The following NCOR2 variants were observed in gnomAD, a reference collection of about 807,000 sequenced individuals.
The protein encoded by NCOR2 is nuclear receptor corepressor 2, also known as CTG repeat protein 26.
NCOR2 carries 81 observed loss-of-function variants against 262.9 expected under a neutral mutation model. The ratio of observed to expected loss-of-function variants is 0.31; its 90% CI spans 0.26 to 0.37. The LOEUF (loss-of-function observed/expected upper bound fraction) is 0.37. Among genes scored for constraint, NCOR2 ranks in the 10% least tolerant of loss-of-function variants. The pLI is 1.00. For missense variants in NCOR2, 3,385 were observed against 3,621.4 expected (o/e 0.93, Z 1.68); for synonymous variants, 1,659 against 1,559.3 (o/e 1.06, Z -1.51).
upstream of NCOR2, among the ~76,000 whole-genome samples, chr12:124,495,564 C>A (rs1487431804): frequency 1.3e-5 from 2 of 152,130 alleles, no homozygotes; most frequent in East Asian, 3.9e-4. The surrounding 1 kb of genome is among the most constrained non-coding windows in gnomAD (Gnocchi z 4.4). Context: ...ATTCAAGGTC[C>A]CTCCGAGCCA....
chr12:124,348,484 CTGGGGGCCTGCCAG>C lies in NCOR2; in HGVS notation c.3845-184_3845-171del, dbSNP rs2037132533. 25 of 871,130 alleles carry C rather than the reference CTGGGGGCCTGCCAG, an allele frequency of 2.9e-5. No individual in the cohort carries two copies. The Middle Eastern group carries it at 1.0e-3, about 35-fold the overall frequency. The allele number at this position is 871,130 out of a possible 1,614,324, so 54.0% of individuals were successfully genotyped here. Reference sequence around the variant, plus strand: ...AGAGGGAGCTGGCAGCCTGCAGGCCCTGGGGGCCTGCCAGCAGGACCCAGGAGCTTTTCCAGGGG... The same window carrying C: ...AGAGGGAGCTGGCAGCCTGCAGGCCCCAGGACCCAGGAGCTTTTCCAGGGG... On this transcript the variant is annotated intron_variant, in intron 28 of 46. Transcript: ENST00000405201.
At chr12:124,435,908 C>T (rs1013353015) in intron 8 of NCOR2, among the ~76,000 whole-genome samples, 3 of 152,230 alleles carry the variant, frequency 2.0e-5, no homozygotes, top group Non-Finnish European at 4.4e-5. Flanking sequence ...TCGATTTCCT[C>T]CTCTGAAACA....
At chr12:124,532,905 C>T (rs1452345484) in intron 1 of NCOR2, among the ~76,000 whole-genome samples, 1 of 144,254 alleles carries the variant, frequency 6.9e-6, no homozygotes, top group African/African-American at 2.6e-5. Context: ...CTCTTTCCCC[C>T]CTCCCTCCAA....
intron 20 of NCOR2, among the ~76,000 whole-genome samples, chr12:124,365,135 T>C (rs1057251477): frequency 2.6e-5 from 4 of 152,168 alleles, no homozygotes; most frequent in African/African-American, 9.7e-5. Context: ...CAGAACCCAG[T>C]CTCTGTCCTA....
chr12:124,343,263 G>A (rs911427774), intron 32 of NCOR2, 37 bp from the exon 35 acceptor site: 1 of 1,577,472 alleles, frequency 6.3e-7, no homozygotes, highest in Non-Finnish European at 8.6e-7. Flanking sequence ...GGGCCTCTGG[G>A]GCTGGCATTT....
intron 11 of NCOR2, among the ~76,000 whole-genome samples, chr12:124,423,255 C>G (rs1335589185): frequency 6.6e-6 from 1 of 152,210 alleles, no homozygotes; most frequent in Non-Finnish European, 1.5e-5. Flanking sequence ...CCTGCTCCAC[C>G]CCAGGGGTGC....
At chr12:124,458,050 T>C in intron 5 of NCOR2, among the ~76,000 whole-genome samples, 1 of 152,286 alleles carries the variant, frequency 6.6e-6, no homozygotes, top group Non-Finnish European at 1.5e-5. Context: ...TGCTGGCAAA[T>C]GGGTGTTCAC....
At chr12:124,556,637 A>C (rs113399191) in intron 1 of NCOR2, among the ~76,000 whole-genome samples, 1 of 152,198 alleles carries the variant, frequency 6.6e-6, no homozygotes, top group East Asian at 1.9e-4. Context: ...AGGCAGGTGG[A>C]TCACCTGAGG....
rs1205407033 is a variant in NCOR2, at chr12:124,437,911, G to A, written c.882+19C>T. 8.7e-6 allele frequency: 14 copies of A among 1,607,252 alleles called. 1 individual carries two copies. In the African/African-American group the frequency reaches 1.1e-4, roughly 12 times the overall value. Reference sequence around the variant, plus strand: ...CCAGATCTCAAGGAAAGCTGATGGGGGCCACGGTGTGGACTTACCCATTGT... The same window carrying A: ...CCAGATCTCAAGGAAAGCTGATGGGAGCCACGGTGTGGACTTACCCATTGT... On this transcript the variant is annotated intron_variant, in intron 8 of 46. Transcript: ENST00000405201.
chr12:124,438,035 G>A lies in NCOR2; in HGVS notation c.816-39C>T, dbSNP rs773197271. 8.2e-5 allele frequency: 130 copies of A among 1,576,474 alleles called. 1 individual carries two copies. The highest frequency in any genetic ancestry group is 7.0e-4 in the African/African-American group (52 of 74,244). On this transcript the variant is annotated intron_variant, in intron 7 of 46. Coordinates refer to ENST00000405201, the Ensembl canonical transcript of NCOR2. ...AAGCGGCAGACAGGTCAGCCCGGCC[G>A]GGCTCAGGCGCTGCACCCCGTGCCA...
intron 20 of NCOR2, among the ~76,000 whole-genome samples, chr12:124,365,821 C>T (rs1235982248): frequency 6.6e-6 from 1 of 151,962 alleles, no homozygotes; most frequent in Non-Finnish European, 1.5e-5. Flanking sequence ...TGGACCTGGG[C>T]CCAGCTGTGC....
At chr12:124,459,131 A>G (rs1297729771) in intron 5 of NCOR2, among the ~76,000 whole-genome samples, 1 of 152,204 alleles carries the variant, frequency 6.6e-6, no homozygotes, top group African/African-American at 2.4e-5. Flanking sequence ...AAAAGGTAAC[A>G]GGAGGGCTAT....
chr12:124,347,924 G>A lies in NCOR2; in HGVS notation c.3986-13C>T, dbSNP rs1411210791. On this transcript the variant is annotated splice_polypyrimidine_tract_variant and intron_variant, in intron 29 of 46. Coordinates refer to ENST00000405201, the Ensembl canonical transcript of NCOR2. ...CGGCCCATGAGACCTGGGTAGGAGA[G>A]GGTGAGGCCATCATTCCGTGGCTCC... The A allele has an allele frequency of 2.6e-6, 4 of 1,555,774 alleles. No homozygotes were observed. The African/African-American group carries it at 4.1e-5, about 16-fold the overall frequency.
At chr12:124,486,661 C>A in intron 1 of NCOR2, 93 bp from the exon 4 acceptor site, 1 of 1,423,580 alleles carries the variant, frequency 7.0e-7, no homozygotes, top group Non-Finnish European at 9.3e-7. Context: ...GGACTCCCTG[C>A]TCAGGCTCGC....
At chr12:124,527,638 G>A (rs1448131786) in intron 1 of NCOR2, among the ~76,000 whole-genome samples, 3 of 152,056 alleles carry the variant, frequency 2.0e-5, no homozygotes, top group Admixed American at 6.5e-5. Flanking sequence ...GGCTGGTCTC[G>A]AACTCCTGAC....
chr12:124,489,312 A>G (rs1233809580), intron 1 of NCOR2, among the ~76,000 whole-genome samples: 2 of 152,194 alleles, frequency 1.3e-5, no homozygotes, highest in African/African-American at 4.8e-5. Flanking sequence ...CTGCAGCTAA[A>G]CGCTCTAAAT....
rs1555222685 is a variant in NCOR2, at chr12:124,433,875, C to CACAA, written c.883-3089_883-3088insTTGT. ...ACACACACACACACACACACACACA[C>CACAA]ACACACACACACACACACACACACG... On this transcript the variant is annotated intron_variant, in intron 8 of 46. Coordinates refer to ENST00000405201, the Ensembl canonical transcript of NCOR2. 5.9e-4 allele frequency among the ~76,000 whole-genome samples: 57 copies of CACAA among 96,158 alleles called. 3 individuals are homozygous for CACAA. In the South Asian group the frequency reaches 0.016, roughly 27 times the overall value. 63.1% of individuals were successfully genotyped at this position (96,158 alleles called of 152,430 possible).
At chr12:124,464,817 G>A (rs1373441179) in intron 5 of NCOR2, among the ~76,000 whole-genome samples, 2 of 152,198 alleles carry the variant, frequency 1.3e-5, no homozygotes, top group Non-Finnish European at 2.9e-5. Context: ...ACAGAGCCAG[G>A]AAGTGGGAGA....
chr12:124,373,192 C>T (rs956410590), intron 19 of NCOR2, among the ~76,000 whole-genome samples: 3 of 152,256 alleles, frequency 2.0e-5, no homozygotes, highest in Admixed American at 6.5e-5. Flanking sequence ...GTGTAGAATG[C>T]GCTCAGTGTG....
Sources: allele counts gnomAD v4.1 joint callset (sites outside exome capture counted in the v4.1 genomes callset), GRCh38; gene constraint gnomAD v4.1.1; non-coding constraint Gnocchi (gnomAD v3.1); transcripts MANE v1.5; gene names NCBI Gene and HGNC (gene_info 2026-07-23, HGNC 2026-07-21).